Variants in MFSD2B observed in about 807,000 individuals in gnomAD.
MFSD2B encodes MFSD2 lysolipid transporter B, sphingolipid, also known as sphingosine-1-phosphate transporter MFSD2B.
In MFSD2B, 56 loss-of-function variants were observed where a neutral mutation model predicts 58.4. That is an observed-to-expected ratio of 0.96 (90% CI 0.77 to 1.20). The LOEUF is 1.20. Ranked by LOEUF, MFSD2B falls within the 50% of genes most tolerant of loss-of-function variation. The probability of loss-of-function intolerance (pLI) is 0.00; values close to 1 mark genes in which losing one functional copy is unlikely to be tolerated. For missense variants in MFSD2B, 645 were observed against 667.6 expected (o/e 0.97, Z 0.37); for synonymous variants, 287 against 294.4 (o/e 0.97, Z 0.26).
intron 1 of MFSD2B, 55 bp downstream of exon 1, chr2:24,010,247 C>T (rs2150935776): frequency 2.4e-6 from 3 of 1,257,968 alleles, no homozygotes; most frequent in Middle Eastern, 3.0e-4. Context: ...AGCTCCAGGG[C>T]GTCGCCTCGC....
rs1473258677 is a variant in MFSD2B, at chr2:24,017,877, G to C, written c.681+289G>C. On this transcript the variant is annotated intron_variant, in intron 6 of 13. Coordinates refer to ENST00000338315, the MANE Select transcript of MFSD2B (RefSeq NM_001346880.2). This position sits in a 1 kb window ranked among gnomAD's most constrained non-coding sequence, Gnocchi z 4.8. The stretch of plus-strand genomic sequence containing the variant: ...GCCCCAGAGGAGGGGCGAGGGTGGG[G>C]AAAGCCGCAGGACAGGCTAGGGGAG... Among the ~76,000 whole-genome samples the C allele has an allele frequency of 6.6e-6, 1 of 152,170 alleles. No homozygotes were observed. Among genetic ancestry groups the C allele is most frequent in the Non-Finnish European group, 1.5e-5 (1 of 68,026 alleles).
chr2:24,014,682 T>C (rs1709077082), intron 2 of MFSD2B, among the ~76,000 whole-genome samples: 1 of 152,184 alleles, frequency 6.6e-6, no homozygotes, highest in South Asian at 2.1e-4. Flanking sequence ...TGTGTGTGGA[T>C]GGATATGTAT....
Position 24,023,464 on chromosome 2 carries a change from C to A in MFSD2B, c.1170-119C>A. ...ACAGGCCATCTGCTTCTCTGGTGGC[C>A]AGTCTGGTCCTGGGCACAGAACTCA... On this transcript the variant is annotated intron_variant, in intron 11 of 13. Transcript: ENST00000338315. The surrounding 1 kb of genome is among the most constrained non-coding windows in gnomAD (Gnocchi z 5.0). 1 of 1,247,432 alleles carries A rather than the reference C, an allele frequency of 8.0e-7. No homozygotes were observed. The highest frequency in any genetic ancestry group is 1.1e-6 in the Non-Finnish European group (1 of 903,078). The allele number at this position is 1,247,432 out of a possible 1,614,324, so 77.3% of individuals were successfully genotyped here.
chr2:24,013,838 CTTT>C (rs758336674), intron 2 of MFSD2B, among the ~76,000 whole-genome samples: 17 of 110,610 alleles, frequency 1.5e-4, no homozygotes, highest in Admixed American at 1.9e-4. Context: ...CAAGACGATT[CTTT>C]TTTTTTTTTT....
chr2:24,025,371 G>A (rs111315365), intron 13 of MFSD2B, 61 bp from the exon 14 acceptor site: 103 of 1,492,102 alleles, frequency 6.9e-5, no homozygotes, highest in African/African-American at 3.5e-4. Context: ...GGGCTTCTGC[G>A]GCAGGACAGA....
At position 24,022,845 on chromosome 2, in the gene MFSD2B, G is replaced by A. The variant is rs543643441; in HGVS notation, c.1002G>A (p.Pro334=). 4.4e-5 allele frequency: 70 copies of A among 1,608,614 alleles called. No homozygotes were observed. The highest frequency in any genetic ancestry group is 1.0e-4 in the Admixed American group (6 of 59,092). The change falls in exon 10 of 14, where the codon CCG becomes CCA. Residue 334 remains proline (P), a synonymous_variant. Transcript: ENST00000338315. The surrounding 1 kb of genome is among the most constrained non-coding windows in gnomAD (Gnocchi z 4.5). ...AGGTCTCAGCCGTGCTGAGCACCCCGCTGTGGGAGTGGGTTCTCCAGCGCT... is the reference window on the plus strand; with the variant it reads ...AGGTCTCAGCCGTGCTGAGCACCCCACTGTGGGAGTGGGTTCTCCAGCGCT... The part of the protein sequence containing the change: ...TVLVSAVLST[P]LWEWVLQRFG...
Position 24,023,817 on chromosome 2 carries a change from C to A in MFSD2B, c.1313+91C>A. 1 of 1,464,142 alleles carries A rather than the reference C, an allele frequency of 6.8e-7. No homozygotes were observed. The highest frequency in any genetic ancestry group is 1.2e-5 in the South Asian group (1 of 80,470). 90.7% of individuals were successfully genotyped at this position (1,464,142 alleles called of 1,614,324 possible). ...CCTCACCTACCAAGCTCAGGGCATC[C>A]ATGAGCCTGGGGCCTAAGCGCTACT... is the stretch of plus-strand genomic sequence containing the variant. On this transcript the variant is annotated intron_variant, in intron 12 of 13. Coordinates refer to ENST00000338315, the MANE Select transcript of MFSD2B (RefSeq NM_001346880.2). The surrounding 1 kb of genome is among the most constrained non-coding windows in gnomAD (Gnocchi z 5.0).
intron 2 of MFSD2B, among the ~76,000 whole-genome samples, chr2:24,014,092 A>C (rs1709056299): frequency 6.6e-6 from 1 of 151,688 alleles, no homozygotes; most frequent in Admixed American, 6.6e-5. Context: ...GGCTCACTGC[A>C]ACCTCTGCCT....
At position 24,020,154 on chromosome 2, in the gene MFSD2B, G is replaced by C. The variant is rs1662714857; in HGVS notation, c.682-1494G>C. ...TGAGCTGGGGACATGTGTGGTCCTT[G>C]ATGTGACACAAGGGTTGGGGAAGGG... On this transcript the variant is annotated intron_variant, in intron 6 of 13. Coordinates refer to ENST00000338315, the MANE Select transcript of MFSD2B (RefSeq NM_001346880.2). The surrounding 1 kb of genome is among the most constrained non-coding windows in gnomAD (Gnocchi z 4.1). 6.6e-6 allele frequency among the ~76,000 whole-genome samples: 1 copy of C among 152,176 alleles called. No individual in the cohort carries two copies. Among genetic ancestry groups the C allele is most frequent in the Non-Finnish European group, 1.5e-5 (1 of 68,032 alleles).
At chr2:24,010,542 C>T (rs1314031037) in intron 1 of MFSD2B, among the ~76,000 whole-genome samples, 3 of 152,230 alleles carry the variant, frequency 2.0e-5, no homozygotes. Context: ...CCTGGGGAGG[C>T]TGCGTCCTTC....
At position 24,022,168 on chromosome 2, in the gene MFSD2B, A is replaced by G. The variant is rs1159398551; in HGVS notation, c.894+198A>G. Among the ~76,000 whole-genome samples, 1 of 151,952 alleles carries G rather than the reference A, an allele frequency of 6.6e-6. No homozygotes were observed. Among genetic ancestry groups the G allele is most frequent in the Non-Finnish European group, 1.5e-5 (1 of 67,976 alleles). Reference sequence around the variant, plus strand: ...CCAGGGCCTGGGCACTAGGAGGCTGACAATGTCTGGGCGGTTTCCTCTCAC... The same window carrying G: ...CCAGGGCCTGGGCACTAGGAGGCTGGCAATGTCTGGGCGGTTTCCTCTCAC... On this transcript the variant is annotated intron_variant, in intron 8 of 13. Transcript: ENST00000338315. This position sits in a 1 kb window ranked among gnomAD's most constrained non-coding sequence, Gnocchi z 4.5.
Position 24,012,964 on chromosome 2 carries a change from C to T in MFSD2B, c.97-321C>T. 4.1e-6 allele frequency: 1 copy of T among 242,964 alleles called. No individual in the cohort carries two copies. Among genetic ancestry groups the T allele is most frequent in the Non-Finnish European group, 7.9e-6 (1 of 126,428 alleles). The allele number at this position is 242,964 out of a possible 1,614,324, so 15.1% of individuals were successfully genotyped here. Reference sequence around the variant, plus strand: ...CACATAGAGGGGTAGGTGACAAAGGCAGGCTCAAGCCCAGGTCTCCTGACC... The same window carrying T: ...CACATAGAGGGGTAGGTGACAAAGGTAGGCTCAAGCCCAGGTCTCCTGACC... On this transcript the variant is annotated intron_variant, in intron 1 of 13. Transcript: ENST00000338315. The surrounding 1 kb of genome is among the most constrained non-coding windows in gnomAD (Gnocchi z 4.5).
chr2:24,018,881 C>T (rs1254135503), intron 6 of MFSD2B: 1 of 128,400 alleles, frequency 7.8e-6, no homozygotes, highest in Non-Finnish European at 1.6e-5. Context: ...GACGGAATCT[C>T]GATCTGTTGC....
rs751839873 is a variant in MFSD2B at position 24,024,242 on chromosome 2, G to C, written c.1461G>C (p.Arg487=). 9.6e-5 allele frequency: 155 copies of C among 1,610,924 alleles called. No individual in the cohort carries two copies. Among genetic ancestry groups the C allele is most frequent in the Non-Finnish European group, 1.2e-4 (137 of 1,178,758 alleles). The change falls in exon 13 of 14, where the codon CGG becomes CGC. Residue 487 remains arginine (R), a synonymous_variant. Coordinates refer to ENST00000338315, the MANE Select transcript of MFSD2B (RefSeq NM_001346880.2). This position sits in a 1 kb window ranked among gnomAD's most constrained non-coding sequence, Gnocchi z 4.3. ...GCTCCACTCCAAAGACACCCAGTCG[G>C]GACGCCTCCAGCCGGCTGAGCCTTC... is the stretch of plus-strand genomic sequence containing the variant. ...MVGSTPKTPS[R]DASSRLSLRR...
chr2:24,013,098 G>A (rs564135519), intron 1 of MFSD2B, 187 bp from the exon 2 acceptor site: 1 of 474,290 alleles, frequency 2.1e-6, no homozygotes, highest in East Asian at 3.2e-5. Flanking sequence ...AGAGGTCAGG[G>A]TTTAGGATCT....
chr2:24,022,571 CAT>C lies in MFSD2B; in HGVS notation c.978+56_978+57del. ...GTCACTTGGGGCCCTGAGCTGGGGA[CAT>C]GTGTGGTCCTTGATGTGACACATAT... On this transcript the variant is annotated intron_variant, in intron 9 of 13. Transcript: ENST00000338315. This position sits in a 1 kb window ranked among gnomAD's most constrained non-coding sequence, Gnocchi z 4.5. 1 of 1,400,286 alleles carries C rather than the reference CAT, an allele frequency of 7.1e-7. No individual in the cohort carries two copies. The highest frequency in any genetic ancestry group is 2.0e-5 in the Admixed American group (1 of 48,980). The allele number at this position is 1,400,286 out of a possible 1,614,324, so 86.7% of individuals were successfully genotyped here. A position where few individuals can be genotyped will look rare whatever the true frequency, so the allele number is the denominator to read the frequency against.
intron 2 of MFSD2B, among the ~76,000 whole-genome samples, chr2:24,014,310 T>C (rs11675585): frequency 0.62 from 93,652 of 151,838 alleles, 29,251 homozygotes; most frequent in East Asian, 0.79. Context: ...CCGCGCCCAG[T>C]CTACAGCTAA....
At chr2:24,025,336 A>G in intron 13 of MFSD2B, 96 bp from the exon 14 acceptor site, 1 of 1,099,138 alleles carries the variant, frequency 9.1e-7, no homozygotes. Flanking sequence ...CTGGGAAGAC[A>G]AGGAGCAGCC....
At chr2:24,014,316 G>A (rs1430847286) in intron 2 of MFSD2B, among the ~76,000 whole-genome samples, 1 of 151,968 alleles carries the variant, frequency 6.6e-6, no homozygotes, top group East Asian at 1.9e-4. Flanking sequence ...CCAGTCTACA[G>A]CTAATTTTTG....
Sources: allele counts gnomAD v4.1 joint callset (sites outside exome capture counted in the v4.1 genomes callset), GRCh38; gene constraint gnomAD v4.1.1; non-coding constraint Gnocchi (gnomAD v3.1); transcripts MANE v1.5; gene names NCBI Gene and HGNC (gene_info 2026-07-23, HGNC 2026-07-21).